PACS2: variants seen among roughly 807,000 people sequenced by gnomAD.
PACS2 encodes phosphofurin acidic cluster sorting protein 2, also known as PACS1-like protein.
In PACS2, 36 loss-of-function variants were observed where a neutral mutation model predicts 113.0. That is an observed-to-expected ratio of 0.32 (90% CI 0.24 to 0.42). The LOEUF is 0.42. Among genes scored for constraint, PACS2 ranks in the 10% least tolerant of loss-of-function variants. The pLI, the probability that PACS2 is intolerant of heterozygous loss-of-function variation, is 1.00. For missense variants in PACS2, 1,015 were observed against 1,239.5 expected (o/e 0.82, Z 2.72); for synonymous variants, 589 against 536.1 (o/e 1.10, Z -1.36).
chr14:105,335,823 G>T (rs368797114), intron 1 of PACS2, among the ~76,000 whole-genome samples: 2 of 152,346 alleles, frequency 1.3e-5, no homozygotes, highest in South Asian at 2.1e-4. Flanking sequence ...GCTGGCAGCC[G>T]CCCTCGGCCG....
intron 1 of PACS2, among the ~76,000 whole-genome samples, chr14:105,316,993 C>T (rs1411930742): frequency 6.6e-6 from 1 of 152,210 alleles, no homozygotes; most frequent in Non-Finnish European, 1.5e-5. Context: ...TGTCCTGGAA[C>T]AGGGCCCCTC....
chr14:105,334,411 C>A (rs914478195), intron 1 of PACS2, among the ~76,000 whole-genome samples: 3 of 152,216 alleles, frequency 2.0e-5, no homozygotes, highest in Non-Finnish European at 4.4e-5. Context: ...ATGTGCAGGG[C>A]TTCACCCTCT....
Position 105,355,264 on chromosome 14 carries a change from C to G in PACS2, c.423+87C>G, listed in dbSNP as rs983470586. ...CCGTGGGAGATGGAGATGTCTCTCC[C>G]GGGTCCAGATGTCCAGGGATCAGGT... On this transcript the variant is annotated intron_variant, in intron 4 of 24. Transcript: ENST00000447393. This position sits in a 1 kb window ranked among gnomAD's most constrained non-coding sequence, Gnocchi z 4.1. The G allele has an allele frequency of 3.3e-5, 48 of 1,453,752 alleles. No homozygotes were observed. Among genetic ancestry groups the G allele is most frequent in the Non-Finnish European group, 3.9e-5 (42 of 1,075,194 alleles). The allele number at this position is 1,453,752 out of a possible 1,614,324, so 90.1% of individuals were successfully genotyped here. A position where few individuals can be genotyped will look rare whatever the true frequency, so the allele number is the denominator to read the frequency against.
chr14:105,330,620 G>A lies in PACS2; in HGVS notation c.119+15583G>A, dbSNP rs1006674784. On this transcript the variant is annotated intron_variant, in intron 1 of 24. Transcript: ENST00000447393. The surrounding 1 kb of genome is among the most constrained non-coding windows in gnomAD (Gnocchi z 6.9). ...AGTGCAGCCTAGGCCACACCAGCAT[G>A]ACCCCTCGCCCCTGTCTCCACGGAG... Among the ~76,000 whole-genome samples the A allele has an allele frequency of 1.3e-5, 2 of 152,204 alleles. No individual in the cohort carries two copies. The highest frequency in any genetic ancestry group is 2.9e-5 in the Non-Finnish European group (2 of 68,032).
chr14:105,384,674 C>T (rs2081112460), intron 17 of PACS2, among the ~76,000 whole-genome samples: 1 of 152,216 alleles, frequency 6.6e-6, no homozygotes, highest in East Asian at 1.9e-4. Context: ...TGGGAAGGGG[C>T]GGGCACAGCC....
rs186844658 is a variant in PACS2, at chr14:105,359,693, G to A, written c.423+4516G>A. 2.6e-3 allele frequency among the ~76,000 whole-genome samples: 376 copies of A among 147,102 alleles called. 2 individuals carry two copies. The highest frequency in any genetic ancestry group is 9.1e-3 in the African/African-American group (360 of 39,438). On this transcript the variant is annotated intron_variant, in intron 4 of 24. Transcript: ENST00000447393. ...TGCAACCTCCACCTCCCAGGTTCAC[G>A]CCATTCTCCTGCCTCAGCCTCCCGA...
rs956469642 is a variant in PACS2, at chr14:105,330,012, G to A, written c.119+14975G>A. ...GGGTGGGCTCTGGATGCCTGCTGGG[G>A]GATTTCAGTGAGAACCAGGAAGGGT... On this transcript the variant is annotated intron_variant, in intron 1 of 24. Transcript: ENST00000447393. This position sits in a 1 kb window ranked among gnomAD's most constrained non-coding sequence, Gnocchi z 6.9. Among the ~76,000 whole-genome samples, 7 of 152,218 alleles carry A rather than the reference G, an allele frequency of 4.6e-5. No individual in the cohort carries two copies. Among genetic ancestry groups the A allele is most frequent in the African/African-American group, 1.7e-4 (7 of 41,448 alleles).
Position 105,396,489 on chromosome 14 carries a change from TTTC to T in PACS2, c.*1820_*1822del, listed in dbSNP as rs1236696083. ...GAGCATCTGTTTTTCTGCTCTCCAG[TTTC>T]TTTTCTTTTTTTTTTTTTTTTTTTT... On this transcript the variant is annotated 3_prime_UTR_variant, in exon 25 of 25. Transcript: ENST00000447393. 2 of 149,054 alleles carry T rather than the reference TTTC, an allele frequency of 1.3e-5. No homozygotes were observed. Among genetic ancestry groups the T allele is most frequent in the South Asian group, 2.1e-4 (1 of 4,796 alleles). The allele number at this position is 149,054 out of a possible 1,614,324, so 9.2% of individuals were successfully genotyped here. A position where few individuals can be genotyped will look rare whatever the true frequency, so the allele number is the denominator to read the frequency against.
intron 3 of PACS2, among the ~76,000 whole-genome samples, chr14:105,353,501 C>T (rs1223299687): frequency 3.9e-5 from 6 of 152,102 alleles, no homozygotes; most frequent in East Asian, 1.9e-4. Flanking sequence ...CAGTGTCCTG[C>T]GTTACTGCAG....
Position 105,367,375 on chromosome 14 carries a change from G to T in PACS2, c.586G>T (p.Asp196Tyr). The T allele has an allele frequency of 6.2e-7, 1 of 1,612,790 alleles. No homozygotes were observed. Among genetic ancestry groups the T allele is most frequent in the Non-Finnish European group, 8.5e-7 (1 of 1,179,684 alleles). The change falls in exon 5 of 25, where the codon GAT becomes TAT. Residue 196 changes from aspartate (D) to tyrosine (Y), a missense_variant and splice_region_variant. Around this residue, in one of 3 missense-constraint regions of PACS2, gnomAD observed 859 missense variants for 1,056.8 expected, o/e 0.81. Transcript: ENST00000447393. ...MQAGPKAKST[D>Y]NYSEEEYESF... ...GGCCGGCCCCAAGGCCAAGTCCACG[G>T]GTGAGTGTGGTGCCAGCCCGCTCCT...
chr14:105,371,344 G>A (rs1349128142), intron 8 of PACS2: 1 of 152,210 alleles, frequency 6.6e-6, no homozygotes, highest in Non-Finnish European at 1.5e-5. Flanking sequence ...TTGACCGTGG[G>A]GTTCTGCACT....
intron 9 of PACS2, 92 bp from the exon 10 acceptor site, chr14:105,379,647 C>A: frequency 9.7e-7 from 1 of 1,026,484 alleles, no homozygotes; most frequent in Non-Finnish European, 1.5e-6. Context: ...ATTCTGCAGT[C>A]TGTCCCTCCA....
rs1049712240 is a variant in PACS2 at position 105,348,656 on chromosome 14, G to A, written c.207+76G>A. The stretch of plus-strand genomic sequence containing the variant: ...ATGTGCCTGGGAGACGAGTCAGGCG[G>A]TGCGCTACTGTGGGGCCTTGTGCCA... On this transcript the variant is annotated intron_variant, in intron 2 of 24. Transcript: ENST00000447393. The surrounding 1 kb of genome is among the most constrained non-coding windows in gnomAD (Gnocchi z 6.4). 4 of 1,067,678 alleles carry A rather than the reference G, an allele frequency of 3.7e-6. No individual in the cohort carries two copies. Among genetic ancestry groups the A allele is most frequent in the Non-Finnish European group, 5.8e-6 (4 of 695,290 alleles). The allele number at this position is 1,067,678 out of a possible 1,614,324, so 66.1% of individuals were successfully genotyped here.
intron 1 of PACS2, among the ~76,000 whole-genome samples, chr14:105,318,689 C>T (rs1595556133): frequency 6.7e-6 from 1 of 150,364 alleles, no homozygotes; most frequent in South Asian, 2.1e-4. Context: ...GATGGAGTCT[C>T]GCTCTGTCAC....
chr14:105,303,594 T>C (rs2058096669), intron 1 of PACS2, among the ~76,000 whole-genome samples: 1 of 152,324 alleles, frequency 6.6e-6, no homozygotes, highest in East Asian at 1.9e-4. Context: ...AAGATCTCTT[T>C]TCCTTTATAA....
intron 9 of PACS2, among the ~76,000 whole-genome samples, chr14:105,378,683 G>C (rs1247646468): frequency 6.6e-6 from 1 of 152,266 alleles, no homozygotes. Context: ...TGACACTACA[G>C]GTGTGAGCCA....
At chr14:105,381,410 C>T (rs1199922867) in intron 12 of PACS2, among the ~76,000 whole-genome samples, 10 of 152,220 alleles carry the variant, frequency 6.6e-5, no homozygotes, top group African/African-American at 2.2e-4. Context: ...ACACATACAC[C>T]AGCTTGATTC....
intron 1 of PACS2, among the ~76,000 whole-genome samples, chr14:105,331,990 G>A (rs900470090): frequency 6.6e-5 from 10 of 152,214 alleles, no homozygotes; most frequent in African/African-American, 1.9e-4. Context: ...AGGAGTCTGC[G>A]ATCAGCCTGC....
At chr14:105,386,803 CTA>C (rs1390703109) in intron 19 of PACS2, among the ~76,000 whole-genome samples, 1 of 152,178 alleles carries the variant, frequency 6.6e-6, no homozygotes, top group Non-Finnish European at 1.5e-5. Context: ...GCTGAACATC[CTA>C]TGTCTTGTCC....
Sources: allele counts gnomAD v4.1 joint callset (sites outside exome capture counted in the v4.1 genomes callset), GRCh38; gene constraint gnomAD v4.1.1; regional missense constraint gnomAD v4.1.1; non-coding constraint Gnocchi (gnomAD v3.1); transcripts MANE v1.5; gene names NCBI Gene and HGNC (gene_info 2026-07-23, HGNC 2026-07-21).